The following SLC35F3 variants were observed in gnomAD, a reference collection of about 807,000 sequenced individuals.
SLC35F3 encodes the protein putative thiamine transporter SLC35F3.
A neutral mutation model predicts 49.9 loss-of-function variants in SLC35F3; 25 were observed. That is an observed-to-expected ratio of 0.50 (90% CI 0.37 to 0.70). The LOEUF is 0.70. Among genes scored for constraint, SLC35F3 ranks in the 30% least tolerant of loss-of-function variants. The pLI, the probability that SLC35F3 is intolerant of heterozygous loss-of-function variation, is 0.00. For synonymous variants in SLC35F3, 275 were observed against 265.4 expected, an observed-to-expected ratio of 1.04 and a Z score of -0.35; for missense variants, 525 against 639.8, an observed-to-expected ratio of 0.82 and a Z score of 1.94.
chr1:234,096,370 A>G (rs1237699461), intron 2 of SLC35F3, among the ~76,000 whole-genome samples: 2 of 152,180 alleles, frequency 1.3e-5, no homozygotes, highest in African/African-American at 4.8e-5. Context: ...CTCTGCTTGG[A>G]GAGGGATTCC....
chr1:233,991,309 G>T (rs1663351014), intron 2 of SLC35F3, among the ~76,000 whole-genome samples: 1 of 152,140 alleles, frequency 6.6e-6, no homozygotes, highest in African/African-American at 2.4e-5. Flanking sequence ...CTGTGCTGTA[G>T]ATGCTTCCCA....
At chr1:234,281,636 T>C (rs1433251092) in intron 3 of SLC35F3, among the ~76,000 whole-genome samples, 2 of 152,210 alleles carry the variant, frequency 1.3e-5, no homozygotes, top group Non-Finnish European at 2.9e-5. Context: ...ACATACATCA[T>C]GGGATAAATC....
intron 3 of SLC35F3, among the ~76,000 whole-genome samples, chr1:234,278,703 C>G (rs556202891): frequency 1.2e-4 from 18 of 152,222 alleles, no homozygotes; most frequent in African/African-American, 4.1e-4. Flanking sequence ...AAGGTGCTAG[C>G]AGATCCAGTG....
chr1:233,914,989 A>G (rs1352265619), intron 2 of SLC35F3, among the ~76,000 whole-genome samples: 2 of 152,230 alleles, frequency 1.3e-5, no homozygotes, highest in Non-Finnish European at 2.9e-5. Context: ...TTATGACAGC[A>G]TTTGAGATTG....
At chr1:234,147,208 CAT>C (rs1666010557) in intron 2 of SLC35F3, among the ~76,000 whole-genome samples, 1 of 146,882 alleles carries the variant, frequency 6.8e-6, no homozygotes, top group Non-Finnish European at 1.5e-5. Context: ...TGGGAAATTA[CAT>C]AGTTTGCCCT....
At chr1:234,075,926 C>T (rs1317044091) in intron 2 of SLC35F3, among the ~76,000 whole-genome samples, 4 of 152,160 alleles carry the variant, frequency 2.6e-5, no homozygotes, top group African/African-American at 7.2e-5. Context: ...ACCACACCCG[C>T]GCTTTTTTGC....
At chr1:234,311,710 A>T (rs1333113195) in intron 4 of SLC35F3, among the ~76,000 whole-genome samples, 1 of 152,210 alleles carries the variant, frequency 6.6e-6, no homozygotes, top group Non-Finnish European at 1.5e-5. Context: ...GTCTGTTTGG[A>T]AGGAGCCAAG....
intron 2 of SLC35F3, among the ~76,000 whole-genome samples, chr1:234,020,404 G>C (rs1663872040): frequency 6.6e-6 from 1 of 152,056 alleles, no homozygotes; most frequent in Admixed American, 6.6e-5. Context: ...ACAGAGGCAG[G>C]CTATTATTAT....
At chr1:234,122,578 C>T (rs540281814) in intron 2 of SLC35F3, among the ~76,000 whole-genome samples, 11 of 152,068 alleles carry the variant, frequency 7.2e-5, no homozygotes, top group Non-Finnish European at 1.6e-4. Context: ...GTTTTAAGCC[C>T]CATATGCATT....
intron 2 of SLC35F3, among the ~76,000 whole-genome samples, chr1:233,998,243 A>G (rs962565291): frequency 2.0e-5 from 3 of 152,102 alleles, no homozygotes; most frequent in African/African-American, 4.8e-5. Context: ...GCCCAATTCA[A>G]TCATTCTCCT....
Position 233,904,829 on chromosome 1 carries a change from C to G in SLC35F3, c.-249C>G. 1 of 190,000 alleles carries G rather than the reference C, an allele frequency of 5.3e-6. No homozygotes were observed. The highest frequency in any genetic ancestry group is 1.1e-5 in the Non-Finnish European group (1 of 94,256). The allele number at this position is 190,000 out of a possible 1,614,324, so 11.8% of individuals were successfully genotyped here. A position where few individuals can be genotyped will look rare whatever the true frequency, so the allele number is the denominator to read the frequency against. Reference sequence around the variant, plus strand: ...CGCTGCCTCGGCTGCCGGGTCGTTGCGGCGAGCGCGCGGGCCGGCCTGGAG... The same window carrying G: ...CGCTGCCTCGGCTGCCGGGTCGTTGGGGCGAGCGCGCGGGCCGGCCTGGAG... On this transcript the variant is annotated 5_prime_UTR_variant, in exon 1 of 8. Transcript: ENST00000366618.
chr1:234,125,285 C>T (rs74147533), intron 2 of SLC35F3, among the ~76,000 whole-genome samples: 1,951 of 152,146 alleles, frequency 0.013, 45 homozygotes, highest in African/African-American at 0.044. Context: ...AAACGACCCC[C>T]GAATCTCAAC....
intron 2 of SLC35F3, among the ~76,000 whole-genome samples, chr1:234,225,602 A>G (rs1284435984): frequency 1.3e-5 from 2 of 152,244 alleles, no homozygotes; most frequent in Non-Finnish European, 2.9e-5. Context: ...AGCAAGCTCC[A>G]TGAGGGAAAA....
chr1:234,039,636 A>G (rs1480273630), intron 2 of SLC35F3, among the ~76,000 whole-genome samples: 1 of 152,204 alleles, frequency 6.6e-6, no homozygotes, highest in Non-Finnish European at 1.5e-5. Context: ...TGACTGCAGC[A>G]TGACAGTTAG....
At chr1:233,992,471 T>G (rs1663371268) in intron 2 of SLC35F3, among the ~76,000 whole-genome samples, 1 of 152,264 alleles carries the variant, frequency 6.6e-6, no homozygotes, top group South Asian at 2.1e-4. Context: ...GTGGAAATAT[T>G]GAGGGGTGTC....
rs1558173487 is a variant in SLC35F3 at position 233,905,131 on chromosome 1, G to GT, written c.53+2dup. The GT allele has an allele frequency of 6.4e-7, 1 of 1,556,078 alleles. No individual in the cohort carries two copies. Among genetic ancestry groups the GT allele is most frequent in the East Asian group, 2.4e-5 (1 of 41,910 alleles). ...CACCCAGGGGCAAGAGCATTGCCGT[G>GT]TGAGTAGCGCCCCGGGCGTGGGTGA... On this transcript the variant is annotated splice_donor_variant, in intron 1 of 7. Coordinates refer to ENST00000366618, the MANE Select transcript of SLC35F3 (RefSeq NM_173508.4). LOFTEE classifies it high-confidence loss of function.
At chr1:234,171,977 C>T (rs1222157610) in intron 2 of SLC35F3, among the ~76,000 whole-genome samples, 1 of 151,948 alleles carries the variant, frequency 6.6e-6, no homozygotes, top group Non-Finnish European at 1.5e-5. Flanking sequence ...ACTTCCCCAA[C>T]CCCAGAAACT....
intron 2 of SLC35F3, among the ~76,000 whole-genome samples, chr1:233,964,602 G>T (rs961651222): frequency 6.6e-6 from 1 of 152,202 alleles, no homozygotes; most frequent in Non-Finnish European, 1.5e-5. Flanking sequence ...TTCATGTGTC[G>T]CGAAGGCATG....
At chr1:233,968,678 T>C (rs1032874839) in intron 2 of SLC35F3, among the ~76,000 whole-genome samples, 2 of 151,926 alleles carry the variant, frequency 1.3e-5, no homozygotes, top group Non-Finnish European at 2.9e-5. Flanking sequence ...AAACACGGGG[T>C]TTCACCATCT....
Sources: allele counts gnomAD v4.1 joint callset (sites outside exome capture counted in the v4.1 genomes callset), GRCh38; gene constraint gnomAD v4.1.1; transcripts MANE v1.5; gene names NCBI Gene and HGNC (gene_info 2026-07-23, HGNC 2026-07-21).